The following ZC3H12B variants were observed in gnomAD, a reference collection of about 807,000 sequenced individuals.
The protein encoded by ZC3H12B is probable ribonuclease ZC3H12B.
ZC3H12B carries 7 observed loss-of-function variants against 43.9 expected under a neutral mutation model. The ratio of observed to expected loss-of-function variants is 0.16; its 90% CI spans 0.09 to 0.30. ZC3H12B has a LOEUF of 0.30. ZC3H12B is among the 10% of genes least tolerant of loss of function. The pLI, the probability that ZC3H12B is intolerant of heterozygous loss-of-function variation, is 1.00. For missense variants in ZC3H12B, 475 were observed against 670.2 expected (o/e 0.71, Z 3.22); for synonymous variants, 222 against 241.7 (o/e 0.92, Z 0.76).
At chrX:65,354,452 G>A in the ZC3H12B span, among the ~76,000 whole-genome samples, 3 of 111,292 alleles carry the variant, frequency 2.7e-5, no homozygotes, top group African/African-American at 6.6e-5. Context: ...AACACCATCC[G>A]AAGTTCACCA....
chrX:65,071,635 AG>A, the ZC3H12B span, among the ~76,000 whole-genome samples: 1 of 111,859 alleles, frequency 8.9e-6, no homozygotes, highest in African/African-American at 3.2e-5. Flanking sequence ...AGCTCTTGGA[AG>A]GCAGTTCTGG....
the ZC3H12B span, among the ~76,000 whole-genome samples, chrX:65,258,827 A>AAAG: frequency 9.0e-6 from 1 of 111,681 alleles, no homozygotes; most frequent in African/African-American, 3.2e-5. Flanking sequence ...ATAGCCACAA[A>AAAG]AAGAATAAAA....
At chrX:65,242,607 A>AT in the ZC3H12B span, among the ~76,000 whole-genome samples, 1 of 112,078 alleles carries the variant, frequency 8.9e-6, no homozygotes, top group Non-Finnish European at 1.9e-5. Context: ...TACCAATGAC[A>AT]TTTTTTGCAA....
chrX:65,097,990 T>TGCTTAAGG, the ZC3H12B span, among the ~76,000 whole-genome samples: 1 of 111,671 alleles, frequency 9.0e-6, no homozygotes, highest in Admixed American at 9.6e-5. Context: ...ATTAAAGAGC[T>TGCTTAAGG]GCTTAAGGGC....
chrX:65,061,336 G>A, the ZC3H12B span, among the ~76,000 whole-genome samples: 1 of 105,925 alleles, frequency 9.4e-6, no homozygotes, highest in Non-Finnish European at 1.9e-5. Flanking sequence ...CCCCCAACAG[G>A]CCCCAGTGTG....
At chrX:65,293,276 G>A in the ZC3H12B span, among the ~76,000 whole-genome samples, 3 of 110,213 alleles carry the variant, frequency 2.7e-5, no homozygotes, top group African/African-American at 9.9e-5. Context: ...CAGTTCTCAG[G>A]AAACTTCAAT....
At chrX:65,130,386 G>C in the ZC3H12B span, among the ~76,000 whole-genome samples, 3 of 111,221 alleles carry the variant, frequency 2.7e-5, no homozygotes, top group East Asian at 8.6e-4. Context: ...TTTAGACCCT[G>C]TGGGAAAGGC....
At chrX:65,037,699 T>A in the ZC3H12B span, among the ~76,000 whole-genome samples, 2 of 111,228 alleles carry the variant, frequency 1.8e-5, no homozygotes, top group East Asian at 5.6e-4. Context: ...ACAACACTGG[T>A]CTGATAGTAC....
chrX:65,452,590 C>T (rs1211170536), intron 3 of ZC3H12B, among the ~76,000 whole-genome samples: 1 of 111,798 alleles, frequency 8.9e-6, no homozygotes, highest in Non-Finnish European at 1.9e-5. Flanking sequence ...CCTGTAATCC[C>T]AACACTTTGG....
chrX:65,396,831 G>T (rs2066704499), intron 2 of ZC3H12B, among the ~76,000 whole-genome samples: 1 of 110,893 alleles, frequency 9.0e-6, no homozygotes, highest in Non-Finnish European at 1.9e-5. Flanking sequence ...TATTATGTGG[G>T]AGTCTAAGCC....
At chrX:65,197,139 G>T in the ZC3H12B span, among the ~76,000 whole-genome samples, 1 of 112,110 alleles carries the variant, frequency 8.9e-6, no homozygotes, top group South Asian at 3.7e-4. Context: ...GGCAAAAGGC[G>T]CGAGACAAAG....
At chrX:65,349,874 CA>C in the ZC3H12B span, among the ~76,000 whole-genome samples, 1 of 110,527 alleles carries the variant, frequency 9.0e-6, no homozygotes, top group African/African-American at 3.3e-5. Context: ...GCCTAACAAC[CA>C]AAAAAAAGTC....
intron 2 of ZC3H12B, among the ~76,000 whole-genome samples, chrX:65,386,907 A>T (rs1366544645): frequency 1.8e-5 from 2 of 111,568 alleles, no homozygotes; most frequent in Non-Finnish European, 3.8e-5. Context: ...TTATGTACCC[A>T]GTAGTCATTC....
the ZC3H12B span, among the ~76,000 whole-genome samples, chrX:65,175,845 G>A: frequency 6.3e-5 from 7 of 111,941 alleles, no homozygotes; most frequent in African/African-American, 1.3e-4. Flanking sequence ...CATGAGAGAC[G>A]CTGCATTCCA....
At chrX:65,148,825 T>A in the ZC3H12B span, among the ~76,000 whole-genome samples, 1 of 112,091 alleles carries the variant, frequency 8.9e-6, no homozygotes, top group African/African-American at 3.2e-5. Context: ...TTCTTGTATG[T>A]ATAGTTACTC....
At chrX:65,056,869 T>G in the ZC3H12B span, among the ~76,000 whole-genome samples, 2 of 111,986 alleles carry the variant, frequency 1.8e-5, no homozygotes, top group Non-Finnish European at 3.8e-5. Flanking sequence ...TTGATCTGTG[T>G]TGGTTTAAAG....
At chrX:65,095,686 C>T in the ZC3H12B span, among the ~76,000 whole-genome samples, 2 of 111,823 alleles carry the variant, frequency 1.8e-5, no homozygotes, top group Non-Finnish European at 3.8e-5. Context: ...AACAAGTGTT[C>T]TGAAGAGCAA....
the ZC3H12B span, among the ~76,000 whole-genome samples, chrX:65,050,222 A>G: frequency 1.8e-5 from 2 of 111,179 alleles, no homozygotes; most frequent in Non-Finnish European, 3.8e-5. Context: ...TACCTAGTCT[A>G]TGGAAGTGCA....
chrX:65,497,743 C>T (rs745940537), intron 2 of ZC3H12B, among the ~76,000 whole-genome samples: 31 of 111,889 alleles, frequency 2.8e-4, no homozygotes, highest in African/African-American at 9.1e-4. Context: ...GCACCTAGGG[C>T]CAATGATATT....
Sources: allele counts gnomAD v4.1 joint callset (sites outside exome capture counted in the v4.1 genomes callset), GRCh38; gene constraint gnomAD v4.1.1; transcripts MANE v1.5; gene names NCBI Gene and HGNC (gene_info 2026-07-23, HGNC 2026-07-21).